Variants in SETDB1 observed in about 807,000 individuals in gnomAD.
The protein encoded by SETDB1 is SET domain bifurcated histone lysine methyltransferase 1, also known as histone-lysine N-methyltransferase SETDB1.
SETDB1 carries 31 observed loss-of-function variants against 137.4 expected under a neutral mutation model. The observed-to-expected ratio is 0.23, with a 90% CI of 0.17 to 0.30. The LOEUF (loss-of-function observed/expected upper bound fraction) is 0.30, where lower values mean the gene tolerates loss of function less well. SETDB1 is among the 10% of genes least tolerant of loss of function. The probability of loss-of-function intolerance (pLI) is 1.00; values close to 1 mark genes in which losing one functional copy is unlikely to be tolerated. For synonymous variants in SETDB1, 548 were observed against 579.9 expected, an observed-to-expected ratio of 0.95 and a Z score of 0.79; for missense variants, 1,113 against 1,631.5, an observed-to-expected ratio of 0.68 and a Z score of 5.47.
intron 12 of SETDB1, 28 bp from the exon 13 acceptor site, chr1:150,950,430 G>A (rs756643759): frequency 5.2e-6 from 8 of 1,538,916 alleles, no homozygotes; most frequent in South Asian, 1.2e-5. Flanking sequence ...GTTGCCTTCC[G>A]ATCTGATCAC....
At position 150,950,742 on chromosome 1, in the gene SETDB1, G is replaced by A; in HGVS notation, c.1868G>A (p.Gly623Asp). 1.9e-6 allele frequency: 3 copies of A among 1,614,214 alleles called. No individual in the cohort carries two copies. Among genetic ancestry groups the A allele is most frequent in the South Asian group, 2.2e-5 (2 of 91,084 alleles). Residue 623 changes from glycine to aspartate, a missense_variant, in exon 13 of 22, where the codon GGC becomes GAC. Gly to Asp is a moderately conservative substitution (Grantham distance 94). Transcript: ENST00000692827. Reference protein sequence around the residue: ...TARRRVNRKMGFHVIYKTPCG... With the variant: ...TARRRVNRKMDFHVIYKTPCG... The stretch of plus-strand genomic sequence containing the variant: ...CGGCGTCGAGTTAACCGCAAGATGG[G>A]CTTTCATGTTATCTATAAGACACCT...
intron 3 of SETDB1, among the ~76,000 whole-genome samples, chr1:150,935,754 A>G (rs1471801084): frequency 1.3e-5 from 2 of 152,160 alleles, no homozygotes; most frequent in African/African-American, 2.4e-5. Context: ...AAGTATTAGT[A>G]TATTTTCATT....
chr1:150,949,011 G>C, intron 10 of SETDB1, 111 bp from the exon 11 acceptor site: 1 of 1,112,228 alleles, frequency 9.0e-7, no homozygotes. Flanking sequence ...GAGCCACTGC[G>C]CCCAGCCATT....
chr1:150,964,168 C>G (rs1358662767), intron 21 of SETDB1, 79 bp from the exon 22 acceptor site: 2 of 1,519,316 alleles, frequency 1.3e-6, no homozygotes, highest in Non-Finnish European at 1.8e-6. Context: ...TGATCCAACT[C>G]CACCTACATA....
intron 3 of SETDB1, 148 bp downstream of exon 3, chr1:150,930,266 T>C: frequency 3.1e-6 from 2 of 643,350 alleles, no homozygotes; most frequent in Non-Finnish European, 5.3e-6. Flanking sequence ...AAGAAAAAAA[T>C]GCAACATTGT....
chr1:150,929,840 C>A, intron 2 of SETDB1, 127 bp from the exon 3 acceptor site: 1 of 731,812 alleles, frequency 1.4e-6, no homozygotes. Flanking sequence ...TAAACAGAGA[C>A]ACTTTGGAAT....
chr1:150,962,009 C>A, intron 16 of SETDB1, 121 bp from the exon 17 acceptor site: 1 of 1,184,456 alleles, frequency 8.4e-7, no homozygotes, highest in South Asian at 1.2e-5. Context: ...TTACCCACCC[C>A]ACTTTAGAAT....
At chr1:150,962,882 C>CG (rs1401189017) in intron 18 of SETDB1, 92 bp from the exon 19 acceptor site, 1 of 1,509,226 alleles carries the variant, frequency 6.6e-7, no homozygotes, top group African/African-American at 1.4e-5. Context: ...CTCTTGCCAC[C>CG]GCCCTTTCCT....
At chr1:150,941,461 G>C (rs1670146696) in intron 5 of SETDB1, 33 bp downstream of exon 5, 2 of 1,290,678 alleles carry the variant, frequency 1.5e-6, no homozygotes, top group Admixed American at 3.4e-5. Context: ...GTACAGATGG[G>C]AGGTGAATTC....
At chr1:150,949,623 T>C (rs1380077639) in intron 12 of SETDB1, 98 bp downstream of exon 12, 2 of 1,076,698 alleles carry the variant, frequency 1.9e-6, no homozygotes, top group Non-Finnish European at 2.7e-6. Flanking sequence ...TAGTTTAAGC[T>C]TATGATAGTG....
rs1334500511 is a variant in SETDB1, at chr1:150,930,183, AT to A, written c.412+66del. On this transcript the variant is annotated intron_variant, in intron 3 of 21. Coordinates refer to ENST00000692827, the MANE Select transcript of SETDB1 (RefSeq NM_001366418.1). ...AGTTGAAACACTGGAAGATGAGCAAATAGAAGATAATAGAAGAGAGGAGAAA... is the reference window on the plus strand; with the variant it reads ...AGTTGAAACACTGGAAGATGAGCAAAAGAAGATAATAGAAGAGAGGAGAAA... 5 of 1,299,702 alleles carry A rather than the reference AT, an allele frequency of 3.8e-6. No homozygotes were observed. In the African/African-American group the frequency reaches 7.4e-5, roughly 19 times the overall value. The allele number at this position is 1,299,702 out of a possible 1,614,324, so 80.5% of individuals were successfully genotyped here.
At position 150,963,976 on chromosome 1, in the gene SETDB1, C is replaced by T. The variant is rs751299208; in HGVS notation, c.3673-19C>T. ...TCAGTTTCCCTGGTTCTTATTTGAT[C>T]CTGTCCTTAAACCTACAGCACAGTT... On this transcript the variant is annotated intron_variant, in intron 20 of 21. Transcript: ENST00000692827. 6.2e-7 allele frequency: 1 copy of T among 1,608,970 alleles called. No homozygotes were observed. The highest frequency in any genetic ancestry group is 1.1e-5 in the South Asian group (1 of 90,980).
chr1:150,950,444 C>A lies in SETDB1; in HGVS notation c.1584-14C>A. 1 of 1,558,000 alleles carries A rather than the reference C, an allele frequency of 6.4e-7. No individual in the cohort carries two copies. Among genetic ancestry groups the A allele is most frequent in the Non-Finnish European group, 8.7e-7 (1 of 1,152,618 alleles). Reference sequence around the variant, plus strand: ...TGTTGCCTTCCGATCTGATCACTTGCATCTCATTTGCAGATCACCTTTAGG... The same window carrying A: ...TGTTGCCTTCCGATCTGATCACTTGAATCTCATTTGCAGATCACCTTTAGG... On this transcript the variant is annotated splice_polypyrimidine_tract_variant and intron_variant, in intron 12 of 21. Transcript: ENST00000692827.
At position 150,927,899 on chromosome 1, in the gene SETDB1, C is replaced by A. The variant is rs2102624595; in HGVS notation, c.185C>A (p.Ala62Glu). 6.2e-7 allele frequency: 1 copy of A among 1,614,160 alleles called. No individual in the cohort carries two copies. Among genetic ancestry groups the A allele is most frequent in the South Asian group, 1.1e-5 (1 of 91,068 alleles). ...GTACAGCAACGCAAGAAGCAGCTAG[C>A]AGAGTTAGAGACATGGGTAATACAG... ...DCVQQRKKQL[A>E]ELETWVIQKE... Residue 62 changes from alanine (A) to glutamate (E), a missense_variant, in exon 2 of 22, where the codon GCA (alanine) becomes GAA (glutamate). Coordinates refer to ENST00000692827, the MANE Select transcript of SETDB1 (RefSeq NM_001366418.1).
At chr1:150,931,852 G>A (rs1669769653) in intron 3 of SETDB1, among the ~76,000 whole-genome samples, 1 of 151,500 alleles carries the variant, frequency 6.6e-6, no homozygotes, top group Non-Finnish European at 1.5e-5. Context: ...TTAAATTAAA[G>A]GAATCCCCTT....
intron 3 of SETDB1, among the ~76,000 whole-genome samples, chr1:150,933,842 G>A (rs1332901375): frequency 7.9e-6 from 1 of 126,308 alleles, no homozygotes; most frequent in East Asian, 2.4e-4. Context: ...GGAGTGCAAT[G>A]GCAGGATCTC....
At chr1:150,953,164 G>A (rs587598476) in intron 14 of SETDB1, among the ~76,000 whole-genome samples, 3 of 152,222 alleles carry the variant, frequency 2.0e-5, no homozygotes, top group South Asian at 4.2e-4. Context: ...GGGTGAGGCC[G>A]AAAGATTACT....
rs780369367 is a variant in SETDB1, at chr1:150,963,001, G to A, written c.3322G>A (p.Glu1108Lys). The change falls in exon 19 of 22, where the codon GAA becomes AAA. Residue 1108 changes from glutamate (E) to lysine (K), a missense_variant. Coordinates refer to ENST00000692827, the MANE Select transcript of SETDB1 (RefSeq NM_001366418.1). ...TGTCCTGACACTGTCCAGCAGCACA[G>A]AAAGTGAGGGGGAAAGTGGGACCAG... is the stretch of plus-strand genomic sequence containing the variant. Reference protein sequence around the residue: ...DDVLTLSSSTESEGESGTSRK... With the variant: ...DDVLTLSSSTKSEGESGTSRK... 1 of 1,614,104 alleles carries A rather than the reference G, an allele frequency of 6.2e-7. No individual in the cohort carries two copies. Among genetic ancestry groups the A allele is most frequent in the East Asian group, 2.2e-5 (1 of 44,880 alleles).
chr1:150,964,390 T>C lies in SETDB1; in HGVS notation c.*26T>C, dbSNP rs1209971847. On this transcript the variant is annotated 3_prime_UTR_variant, in exon 22 of 22. Transcript: ENST00000692827. Reference sequence around the variant, plus strand: ...AGGACAGCCTTCTTCCCAACCCTTCTTGAACTGTCGTTTCCTCAGGAACTG... The same window carrying C: ...AGGACAGCCTTCTTCCCAACCCTTCCTGAACTGTCGTTTCCTCAGGAACTG... 2 of 1,544,070 alleles carry C rather than the reference T, an allele frequency of 1.3e-6. No homozygotes were observed. Among genetic ancestry groups the C allele is most frequent in the South Asian group, 2.2e-5 (2 of 89,158 alleles).
Sources: allele counts gnomAD v4.1 joint callset (sites outside exome capture counted in the v4.1 genomes callset), GRCh38; gene constraint gnomAD v4.1.1; transcripts MANE v1.5; gene names NCBI Gene and HGNC (gene_info 2026-07-23, HGNC 2026-07-21).